CTNNA2: variants seen among roughly 807,000 people sequenced by gnomAD.
CTNNA2 encodes the protein catenin alpha 2.
CTNNA2 carries 42 observed loss-of-function variants against 101.0 expected under a neutral mutation model. The observed-to-expected ratio is 0.42, with a 90% CI of 0.32 to 0.54. CTNNA2 has a LOEUF of 0.54. Ranked by LOEUF, CTNNA2 falls within the 20% of genes least tolerant of loss-of-function variation. The pLI, the probability that CTNNA2 is intolerant of heterozygous loss-of-function variation, is 0.14. For missense variants in CTNNA2, 871 were observed against 1,223.1 expected, an observed-to-expected ratio of 0.71 and a Z score of 4.29; for synonymous variants, 450 against 456.4, an observed-to-expected ratio of 0.99 and a Z score of 0.18.
chr2:79,209,842 A>T (rs1572979662), intron 2 of CTNNA2, among the ~76,000 whole-genome samples: 2 of 101,100 alleles, frequency 2.0e-5, no homozygotes, highest in East Asian at 5.4e-4. Flanking sequence ...TCCTGTAAAC[A>T]TCCTTCCCTA....
At chr2:80,344,345 G>T (rs1672524061) in intron 7 of CTNNA2, among the ~76,000 whole-genome samples, 1 of 151,986 alleles carries the variant, frequency 6.6e-6, no homozygotes, top group African/African-American at 2.4e-5. Flanking sequence ...CTTCTCCAGG[G>T]TCAGGGTTTA....
chr2:79,434,179 T>C (rs1558665750), intron 4 of CTNNA2, among the ~76,000 whole-genome samples: 2 of 151,722 alleles, frequency 1.3e-5, no homozygotes, highest in African/African-American at 4.8e-5. Context: ...ATTCCTGTAG[T>C]TCCTGCTTCT....
At chr2:79,696,805 G>T (rs1684679553) in intron 2 of CTNNA2, among the ~76,000 whole-genome samples, 1 of 151,996 alleles carries the variant, frequency 6.6e-6, no homozygotes, top group African/African-American at 2.4e-5. Context: ...AGAATCACTT[G>T]TTGTTGGAAG....
intron 13 of CTNNA2, chr2:80,576,343 T>TCA (rs1695042309): frequency 6.7e-6 from 1 of 149,592 alleles, no homozygotes; most frequent in Non-Finnish European, 1.5e-5. Context: ...CCTTTTCTGT[T>TCA]GGAGCAATCT....
intron 2 of CTNNA2, among the ~76,000 whole-genome samples, chr2:79,265,822 A>G (rs1674979757): frequency 1.3e-5 from 2 of 152,334 alleles, no homozygotes; most frequent in Admixed American, 1.3e-4. Context: ...GATTTCAGCT[A>G]TCTCTCCAGA....
chr2:79,967,310 G>A (rs958821735), intron 7 of CTNNA2, among the ~76,000 whole-genome samples: 1 of 151,972 alleles, frequency 6.6e-6, no homozygotes, highest in African/African-American at 2.4e-5. Flanking sequence ...AGGCGTCTAG[G>A]TCCCAAACTT....
At chr2:80,023,717 T>C (rs2104124438) in intron 7 of CTNNA2, among the ~76,000 whole-genome samples, 1 of 152,324 alleles carries the variant, frequency 6.6e-6, no homozygotes, top group Non-Finnish European at 1.5e-5. Context: ...GAAATGTGTA[T>C]TGATCTCCTA....
intron 18 of CTNNA2, among the ~76,000 whole-genome samples, chr2:80,631,214 T>C (rs1230845913): frequency 6.6e-6 from 1 of 152,188 alleles, no homozygotes; most frequent in Non-Finnish European, 1.5e-5. Context: ...TACAAGATAC[T>C]GTATCATACC....
chr2:79,309,960 C>T (rs1340905381), intron 2 of CTNNA2, among the ~76,000 whole-genome samples: 1 of 152,112 alleles, frequency 6.6e-6, no homozygotes, highest in Non-Finnish European at 1.5e-5. Context: ...TTGCTTTATA[C>T]TTTGCATTTT....
chr2:80,645,171 C>A (rs1040672068), intron 18 of CTNNA2, among the ~76,000 whole-genome samples: 1 of 152,094 alleles, frequency 6.6e-6, no homozygotes, highest in Non-Finnish European at 1.5e-5. Flanking sequence ...TCATAGCATG[C>A]GATAGAATTA....
chr2:80,619,258 C>A (rs988620968), intron 18 of CTNNA2, 30 bp downstream of exon 18: 2 of 1,481,824 alleles, frequency 1.3e-6, no homozygotes, highest in African/African-American at 1.4e-5. Context: ...AATCTAATGT[C>A]TTTCATTGTA....
At chr2:80,281,628 GGACT>G (rs1405083926) in intron 7 of CTNNA2, among the ~76,000 whole-genome samples, 2 of 151,702 alleles carry the variant, frequency 1.3e-5, no homozygotes, top group Admixed American at 6.6e-5. Context: ...ATCTTCAGCT[GGACT>G]GACTGAGAAC....
intron 18 of CTNNA2, among the ~76,000 whole-genome samples, chr2:80,640,109 C>G (rs1270001212): frequency 6.6e-6 from 1 of 151,154 alleles, no homozygotes; most frequent in South Asian, 2.1e-4. Context: ...CAAAAAAAAA[C>G]AAAAAAACAA....
At chr2:80,577,071 C>T (rs1332197115) in intron 13 of CTNNA2, among the ~76,000 whole-genome samples, 2 of 152,012 alleles carry the variant, frequency 1.3e-5, no homozygotes, top group African/African-American at 4.8e-5. Context: ...AGAAATAGTT[C>T]AGTATGATTA....
At chr2:80,552,289 T>C (rs530293877) in intron 11 of CTNNA2, among the ~76,000 whole-genome samples, 2 of 152,176 alleles carry the variant, frequency 1.3e-5, no homozygotes, top group African/African-American at 4.8e-5. Flanking sequence ...CAGACTTGCT[T>C]GACGCAGAGT....
intron 12 of CTNNA2, among the ~76,000 whole-genome samples, chr2:80,568,784 T>C (rs1037482676): frequency 1.3e-5 from 2 of 152,160 alleles, no homozygotes; most frequent in African/African-American, 2.4e-5. Flanking sequence ...CATGGATATG[T>C]TGCTGTGGGT....
chr2:79,191,142 A>G (rs1040156099), intron 1 of CTNNA2, among the ~76,000 whole-genome samples: 6 of 152,186 alleles, frequency 3.9e-5, no homozygotes, highest in Admixed American at 3.9e-4. Flanking sequence ...GTGGGTGTGG[A>G]AGAAAAGTGT....
chr2:79,303,477 C>A (rs931561020), intron 2 of CTNNA2, among the ~76,000 whole-genome samples: 1 of 152,120 alleles, frequency 6.6e-6, no homozygotes, highest in African/African-American at 2.4e-5. Context: ...TATTTACAAG[C>A]GTGTCTTTCA....
chr2:79,269,581 A>G (rs1675035466), intron 2 of CTNNA2, among the ~76,000 whole-genome samples: 1 of 152,156 alleles, frequency 6.6e-6, no homozygotes, highest in African/African-American at 2.4e-5. Context: ...GTCATCAAAA[A>G]TCATTGCAGT....
Sources: gnomAD v4.1 joint callset for allele counts (sites outside exome capture counted in the v4.1 genomes callset) on GRCh38, gnomAD v4.1.1 for gene constraint, MANE v1.5 for transcripts, NCBI Gene and HGNC (gene_info 2026-07-23, HGNC 2026-07-21) for gene names.